The following NTM variants were observed in gnomAD, a reference collection of about 807,000 sequenced individuals.
The protein encoded by NTM is IgLON family member 2.
Under a neutral mutation model 42.1 loss-of-function variants are expected in NTM, and 13 were observed. The observed-to-expected ratio is 0.31, with a 90% CI of 0.20 to 0.49. The LOEUF (loss-of-function observed/expected upper bound fraction) is 0.49. NTM is among the 20% of genes least tolerant of loss of function. NTM has a pLI of 0.99. For missense variants in NTM, 373 were observed against 452.8 expected (o/e 0.82, Z 1.60); for synonymous variants, 187 against 179.2 (o/e 1.04, Z -0.35).
chr11:132,134,041 G>C (rs978396825), intron 2 of NTM, among the ~76,000 whole-genome samples: 1 of 152,098 alleles, frequency 6.6e-6, no homozygotes, highest in Non-Finnish European at 1.5e-5. Flanking sequence ...ATTTTAAACA[G>C]TCTCACTCTG....
At chr11:131,807,955 T>G (rs1340331842) in intron 1 of NTM, among the ~76,000 whole-genome samples, 3 of 152,172 alleles carry the variant, frequency 2.0e-5, no homozygotes, top group African/African-American at 7.2e-5. Context: ...GGCAGAAGGT[T>G]TGGGAAACAA....
intron 1 of NTM, among the ~76,000 whole-genome samples, chr11:131,884,521 A>G (rs569517): frequency 0.24 from 37,193 of 152,140 alleles, 5,503 homozygotes; most frequent in East Asian, 0.47. Flanking sequence ...TTGTGGCTCC[A>G]GAAACAGTGT....
chr11:131,515,160 C>T (rs1186369920), intron 1 of NTM, among the ~76,000 whole-genome samples: 1 of 152,132 alleles, frequency 6.6e-6, no homozygotes, highest in Non-Finnish European at 1.5e-5. Context: ...AGCAGTCCTC[C>T]CACCTTGGCT....
intron 1 of NTM, among the ~76,000 whole-genome samples, chr11:131,452,371 G>T (rs192400053): frequency 3.3e-5 from 5 of 152,176 alleles, no homozygotes; most frequent in East Asian, 1.9e-4. Context: ...ACCTTTGAAG[G>T]CATCCTCTTT....
At chr11:132,155,469 A>T (rs750258298) in intron 3 of NTM, among the ~76,000 whole-genome samples, 8 of 152,096 alleles carry the variant, frequency 5.3e-5, no homozygotes, top group Non-Finnish European at 1.2e-4. Flanking sequence ...CCTGCCGCTG[A>T]TGTGGGTCCC....
chr11:131,584,006 G>A (rs959265310), intron 1 of NTM, among the ~76,000 whole-genome samples: 1 of 152,194 alleles, frequency 6.6e-6, no homozygotes, highest in African/African-American at 2.4e-5. Context: ...TTGCTTTTGA[G>A]TCCATTTTAG....
chr11:131,866,137 G>T (rs537903069), intron 1 of NTM, among the ~76,000 whole-genome samples: 14 of 150,462 alleles, frequency 9.3e-5, no homozygotes, highest in Non-Finnish European at 1.6e-4. Context: ...ACATACACAT[G>T]CATGCCGCAC....
chr11:131,460,414 C>A (rs1229636068), intron 1 of NTM, among the ~76,000 whole-genome samples: 1 of 152,172 alleles, frequency 6.6e-6, no homozygotes, highest in African/African-American at 2.4e-5. Flanking sequence ...TCGGAATTAT[C>A]TATAGATGAC....
chr11:131,457,235 G>T (rs1447794047), intron 1 of NTM, among the ~76,000 whole-genome samples: 4 of 152,194 alleles, frequency 2.6e-5, no homozygotes, highest in African/African-American at 9.6e-5. Context: ...CCAAGAGAGT[G>T]TGTCCTGTAT....
chr11:132,102,262 C>T (rs2061714103), intron 2 of NTM, among the ~76,000 whole-genome samples: 1 of 152,198 alleles, frequency 6.6e-6, no homozygotes, highest in Admixed American at 6.5e-5. Context: ...TTATGCATCT[C>T]TATCCTATAC....
chr11:132,114,612 A>G (rs1295590680), intron 2 of NTM, among the ~76,000 whole-genome samples: 3 of 152,172 alleles, frequency 2.0e-5, no homozygotes, highest in Non-Finnish European at 2.9e-5. Flanking sequence ...TCATGATCCT[A>G]TAAGGCAGAG....
chr11:132,200,728 G>A (rs1026309933), intron 3 of NTM, among the ~76,000 whole-genome samples: 1 of 152,146 alleles, frequency 6.6e-6, no homozygotes, highest in African/African-American at 2.4e-5. Flanking sequence ...AGCCGAGAGC[G>A]GCGACCACCT....
chr11:132,228,132 A>T (rs902869660), intron 4 of NTM, among the ~76,000 whole-genome samples: 4 of 152,168 alleles, frequency 2.6e-5, no homozygotes, highest in Non-Finnish European at 5.9e-5. Flanking sequence ...CTCTGAAGGG[A>T]GTGGAAGTGC....
chr11:132,175,563 A>G (rs1215381209), intron 3 of NTM, among the ~76,000 whole-genome samples: 1 of 151,816 alleles, frequency 6.6e-6, no homozygotes, highest in Non-Finnish European at 1.5e-5. Context: ...GTGCATTTTT[A>G]TTCTCAGACT....
chr11:131,840,462 G>A (rs866749766), intron 1 of NTM, among the ~76,000 whole-genome samples: 1 of 152,122 alleles, frequency 6.6e-6, no homozygotes, highest in South Asian at 2.1e-4. Flanking sequence ...TCTGAGGATC[G>A]ACCATGAGAT....
intron 1 of NTM, among the ~76,000 whole-genome samples, chr11:131,587,000 C>T (rs753893033): frequency 7.2e-5 from 11 of 152,006 alleles, no homozygotes; most frequent in Admixed American, 1.3e-4. Flanking sequence ...TGGGAGGCTA[C>T]GGAGCAAGCA....
At chr11:131,605,115 A>G (rs537417087) in intron 1 of NTM, among the ~76,000 whole-genome samples, 221 of 150,880 alleles carry the variant, frequency 1.5e-3, no homozygotes, top group African/African-American at 4.9e-3. Flanking sequence ...CCACATTGAG[A>G]TTTAGATAAG....
intron 4 of NTM, among the ~76,000 whole-genome samples, chr11:132,281,298 C>T (rs1448414617): frequency 2.0e-5 from 3 of 152,168 alleles, no homozygotes; most frequent in Non-Finnish European, 4.4e-5. Context: ...GGAGTTTTCT[C>T]ACAGGGAAGT....
chr11:131,857,693 G>T (rs759681666), intron 1 of NTM, among the ~76,000 whole-genome samples: 1 of 152,080 alleles, frequency 6.6e-6, no homozygotes, highest in Non-Finnish European at 1.5e-5. Flanking sequence ...AAATGACACC[G>T]CAGATTTGTA....
Sources: gnomAD v4.1 joint callset for allele counts (sites outside exome capture counted in the v4.1 genomes callset) on GRCh38, gnomAD v4.1.1 for gene constraint, MANE v1.5 for transcripts, NCBI Gene and HGNC (gene_info 2026-07-23, HGNC 2026-07-21) for gene names.